The following MACROD2 variants were observed in gnomAD, a reference collection of about 807,000 sequenced individuals.
MACROD2 encodes ADP-ribose glycohydrolase MACROD2.
Under a neutral mutation model 70.4 loss-of-function variants are expected in MACROD2, and 36 were observed. The ratio of observed to expected loss-of-function variants is 0.51; its 90% CI spans 0.39 to 0.68. MACROD2 has a LOEUF of 0.68. Ranked by LOEUF, MACROD2 falls within the 30% of genes least tolerant of loss-of-function variation. The probability of loss-of-function intolerance (pLI) is 0.00; values close to 1 mark genes in which losing one functional copy is unlikely to be tolerated. For synonymous variants in MACROD2, 172 were observed against 178.8 expected (o/e 0.96, Z 0.30); for missense variants, 496 against 538.4 (o/e 0.92, Z 0.78).
chr20:15,830,829 C>A (rs1279815175), intron 8 of MACROD2, among the ~76,000 whole-genome samples: 1 of 152,144 alleles, frequency 6.6e-6, no homozygotes, highest in African/African-American at 2.4e-5. Context: ...AAACACCATA[C>A]AAATTTAAAT....
intron 3 of MACROD2, among the ~76,000 whole-genome samples, chr20:14,430,396 G>C (rs1156560776): frequency 6.6e-6 from 1 of 152,082 alleles, no homozygotes; most frequent in African/African-American, 2.4e-5. Context: ...CTAGGATCTA[G>C]GTTAGGCAGT....
intron 5 of MACROD2, among the ~76,000 whole-genome samples, chr20:14,701,933 G>T (rs1299214949): frequency 1.1e-4 from 16 of 152,058 alleles, no homozygotes; most frequent in Non-Finnish European, 2.9e-5. Flanking sequence ...GCACAGAGAG[G>T]TTAAACAACT....
At chr20:16,045,992 T>TA (rs11476311) in intron 17 of MACROD2, among the ~76,000 whole-genome samples, 137 of 150,932 alleles carry the variant, frequency 9.1e-4, no homozygotes, top group Non-Finnish European at 1.5e-3. Flanking sequence ...ATTTAGTTGT[T>TA]AAAAAAAAAA....
intron 5 of MACROD2, among the ~76,000 whole-genome samples, chr20:14,741,946 T>G (rs1475714519): frequency 6.6e-6 from 1 of 152,120 alleles, no homozygotes; most frequent in Non-Finnish European, 1.5e-5. Context: ...TCATCTTCTT[T>G]CATAGAAGTT....
chr20:14,995,246 T>C (rs2122881029), intron 5 of MACROD2, among the ~76,000 whole-genome samples: 1 of 152,246 alleles, frequency 6.6e-6, no homozygotes. Context: ...TTTATTTTAC[T>C]TGAAAATAAA....
intron 3 of MACROD2, among the ~76,000 whole-genome samples, chr20:14,314,336 G>A (rs1242906920): frequency 2.0e-5 from 3 of 152,184 alleles, no homozygotes; most frequent in Admixed American, 2.0e-4. Flanking sequence ...TCAGAGTACA[G>A]TGGGACAATA....
intron 4 of MACROD2, among the ~76,000 whole-genome samples, chr20:14,553,436 A>T: frequency 1.4e-5 from 2 of 143,990 alleles, no homozygotes; most frequent in Non-Finnish European, 1.5e-5. Context: ...TTTAGTAAGT[A>T]GAAGAATTAT....
intron 5 of MACROD2, among the ~76,000 whole-genome samples, chr20:14,724,351 A>G (rs1387075249): frequency 6.6e-6 from 1 of 152,190 alleles, no homozygotes; most frequent in Non-Finnish European, 1.5e-5. Flanking sequence ...GGGGATAATA[A>G]TAGTTCCCAT....
At chr20:14,999,969 A>G (rs1351536356) in intron 5 of MACROD2, among the ~76,000 whole-genome samples, 2 of 152,214 alleles carry the variant, frequency 1.3e-5, no homozygotes, top group African/African-American at 2.4e-5. Flanking sequence ...AATACTGTAT[A>G]TTGTTCAGGG....
intron 5 of MACROD2, among the ~76,000 whole-genome samples, chr20:14,767,329 GT>G (rs1341060112): frequency 6.6e-6 from 1 of 151,098 alleles, no homozygotes; most frequent in African/African-American, 2.4e-5. Flanking sequence ...ATTTTTTTTT[GT>G]TTTTTGTTTT....
chr20:14,003,798 G>T (rs758859510), intron 2 of MACROD2: 9 of 382,582 alleles, frequency 2.4e-5, no homozygotes, highest in Non-Finnish European at 4.5e-5. Flanking sequence ...AAAAAGGTCT[G>T]GTTAAGACAT....
At chr20:15,499,620 A>T (rs1736052729) in intron 7 of MACROD2, among the ~76,000 whole-genome samples, 154 bp from the exon 8 acceptor site, 1 of 152,192 alleles carries the variant, frequency 6.6e-6, no homozygotes, top group African/African-American at 2.4e-5. Context: ...GTAGGATCAC[A>T]GGCTTCATAT....
chr20:14,206,764 T>G (rs2081527512), intron 3 of MACROD2, among the ~76,000 whole-genome samples: 1 of 152,220 alleles, frequency 6.6e-6, no homozygotes, highest in South Asian at 2.1e-4. Flanking sequence ...AGGCAATCTT[T>G]GATTCTTAAT....
intron 12 of MACROD2, among the ~76,000 whole-genome samples, chr20:15,957,681 G>T (rs1250169291): frequency 6.6e-6 from 1 of 152,192 alleles, no homozygotes; most frequent in African/African-American, 2.4e-5. Flanking sequence ...AAGGCATTCT[G>T]CCCAAAGAAG....
intron 6 of MACROD2, among the ~76,000 whole-genome samples, chr20:15,247,050 G>T (rs1354348863): frequency 6.6e-6 from 1 of 152,190 alleles, no homozygotes; most frequent in Admixed American, 6.5e-5. Context: ...GGGAATCAGG[G>T]AATGGGGTGT....
At chr20:15,112,293 T>C (rs1203415623) in intron 5 of MACROD2, among the ~76,000 whole-genome samples, 5 of 152,178 alleles carry the variant, frequency 3.3e-5, no homozygotes, top group Admixed American at 2.6e-4. Flanking sequence ...TGAGGGACTT[T>C]AAAATTAGGC....
chr20:14,300,456 G>A (rs192174599), intron 3 of MACROD2, among the ~76,000 whole-genome samples: 1 of 152,272 alleles, frequency 6.6e-6, no homozygotes, highest in East Asian at 1.9e-4. Flanking sequence ...CAAAGCTCTT[G>A]GGTTTTTGTT....
chr20:14,181,726 A>T (rs2081307208), intron 3 of MACROD2, among the ~76,000 whole-genome samples: 1 of 152,162 alleles, frequency 6.6e-6, no homozygotes, highest in Non-Finnish European at 1.5e-5. Context: ...GATAAATATA[A>T]TGGAAATATA....
chr20:14,467,447 G>A (rs2084469556), intron 3 of MACROD2, among the ~76,000 whole-genome samples: 1 of 152,044 alleles, frequency 6.6e-6, no homozygotes, highest in Non-Finnish European at 1.5e-5. Context: ...CCCTTTCTTT[G>A]ACTAGGAAAA....
Sources: gnomAD v4.1 joint callset for allele counts (sites outside exome capture counted in the v4.1 genomes callset) on GRCh38, gnomAD v4.1.1 for gene constraint, MANE v1.5 for transcripts, NCBI Gene and HGNC (gene_info 2026-07-23, HGNC 2026-07-21) for gene names.